The following ITCH variants were observed in gnomAD, a reference collection of about 807,000 sequenced individuals.
The protein encoded by ITCH is E3 ubiquitin-protein ligase Itchy homolog.
Under a neutral mutation model 126.8 loss-of-function variants are expected in ITCH, and 28 were observed. The ratio of observed to expected loss-of-function variants is 0.22; its 90% CI spans 0.16 to 0.30. ITCH has a LOEUF of 0.30. Ranked by LOEUF, ITCH falls within the 10% of genes least tolerant of loss-of-function variation. The pLI is 1.00. For synonymous variants in ITCH, 342 were observed against 340.0 expected (o/e 1.01, Z -0.06); for missense variants, 631 against 1,032.4 (o/e 0.61, Z 5.33).
chr20:34,387,076 G>T (rs1316614075), intron 2 of ITCH, among the ~76,000 whole-genome samples: 1 of 152,022 alleles, frequency 6.6e-6, no homozygotes, highest in Non-Finnish European at 1.5e-5. Context: ...GCCGAGGCGG[G>T]CAGATCACCT....
At chr20:34,382,784 C>T (rs542510809) in intron 2 of ITCH, among the ~76,000 whole-genome samples, 4 of 150,384 alleles carry the variant, frequency 2.7e-5, no homozygotes, top group African/African-American at 9.8e-5. Flanking sequence ...TGCCTTGTAG[C>T]TCAGGCTGGA....
At chr20:34,382,907 C>G (rs1488715944) in intron 2 of ITCH, among the ~76,000 whole-genome samples, 1 of 150,906 alleles carries the variant, frequency 6.6e-6, no homozygotes, top group Non-Finnish European at 1.5e-5. Context: ...CCACGCCTGG[C>G]TAATTTTTGT....
chr20:34,468,759 C>G (rs527682851), intron 14 of ITCH, among the ~76,000 whole-genome samples: 6 of 150,956 alleles, frequency 4.0e-5, no homozygotes, highest in Non-Finnish European at 8.8e-5. Flanking sequence ...CCACTGCACT[C>G]CAGCCTGGGA....
intron 2 of ITCH, among the ~76,000 whole-genome samples, chr20:34,391,818 T>C (rs2038499680): frequency 6.6e-6 from 1 of 152,210 alleles, no homozygotes; most frequent in Admixed American, 6.5e-5. Flanking sequence ...ATTAATCTTT[T>C]CTACATGAAG....
Position 34,393,776 on chromosome 20 carries a change from C to T in ITCH, c.-21-15C>T, listed in dbSNP as rs2146075667. 6.7e-7 allele frequency: 1 copy of T among 1,490,432 alleles called. No homozygotes were observed. Among genetic ancestry groups the T allele is most frequent in the Non-Finnish European group, 9.4e-7 (1 of 1,067,190 alleles). 92.3% of individuals were successfully genotyped at this position (1,490,432 alleles called of 1,614,324 possible). On this transcript the variant is annotated splice_polypyrimidine_tract_variant and intron_variant, in intron 2 of 24. Transcript: ENST00000374864. ...GAATTTTTGATGTTTACAGTGTCTC[C>T]TTTGCCATGTTCAGGTTTTCCAACC...
chr20:34,457,356 G>C, intron 12 of ITCH, 34 bp from the exon 13 acceptor site: 1 of 1,424,702 alleles, frequency 7.0e-7, no homozygotes, highest in South Asian at 1.2e-5. Flanking sequence ...CAATGCTAAT[G>C]CTTTGCTTTC....
chr20:34,445,139 C>T, intron 10 of ITCH, 148 bp from the exon 11 acceptor site: 1 of 900,482 alleles, frequency 1.1e-6, no homozygotes, highest in Non-Finnish European at 1.6e-6. Flanking sequence ...TTTTTAGAAA[C>T]ATTTCTCTTA....
At chr20:34,442,718 A>G (rs923835450) in intron 10 of ITCH, among the ~76,000 whole-genome samples, 3 of 151,276 alleles carry the variant, frequency 2.0e-5, no homozygotes, top group Non-Finnish European at 4.4e-5. Context: ...TCACGCCTGT[A>G]ATCCCAGCAC....
intron 2 of ITCH, among the ~76,000 whole-genome samples, chr20:34,381,379 A>G (rs1264612359): frequency 6.6e-6 from 1 of 150,760 alleles, no homozygotes; most frequent in Non-Finnish European, 1.5e-5. Flanking sequence ...ACCTCCCAGG[A>G]TCAAGTGATT....
At chr20:34,403,917 G>T (rs2038967962) in intron 3 of ITCH, among the ~76,000 whole-genome samples, 2 of 152,162 alleles carry the variant, frequency 1.3e-5, no homozygotes, top group South Asian at 4.1e-4. Flanking sequence ...TAGAACTTTG[G>T]TAAGATTTGT....
chr20:34,385,341 G>T (rs1479308700), intron 2 of ITCH, among the ~76,000 whole-genome samples: 8 of 150,840 alleles, frequency 5.3e-5, no homozygotes, highest in Admixed American at 3.3e-4. Flanking sequence ...GGGATTACAG[G>T]CATGAAGCAT....
At chr20:34,500,569 A>G (rs189811286) in intron 23 of ITCH, among the ~76,000 whole-genome samples, 2,938 of 152,152 alleles carry the variant, frequency 0.019, 49 homozygotes, top group South Asian at 0.061. Context: ...GGGTAAAGCA[A>G]GTTTCTTGGA....
chr20:34,408,519 T>C (rs1978478688), intron 3 of ITCH, 132 bp from the exon 4 acceptor site: 3 of 788,080 alleles, frequency 3.8e-6, no homozygotes, highest in Non-Finnish European at 6.4e-6. Flanking sequence ...GTGAATAAAA[T>C]TGGTAAGTAT....
At chr20:34,398,013 G>C (rs1251833352) in intron 3 of ITCH, among the ~76,000 whole-genome samples, 1 of 139,292 alleles carries the variant, frequency 7.2e-6, no homozygotes, top group South Asian at 2.2e-4. Context: ...TTTTTTTACT[G>C]TGATGATAAA....
Position 34,509,322 on chromosome 20 carries a change from A to G in ITCH, c.*1528A>G, listed in dbSNP as rs1978510389. ...ATAGCTGAACCCTGAGGACAGCCTC[A>G]TAGCTCATGTATCAGGGACTTTTGC... On this transcript the variant is annotated 3_prime_UTR_variant, in exon 25 of 25. Transcript: ENST00000374864. 6.6e-6 allele frequency: 1 copy of G among 152,328 alleles called. No individual in the cohort carries two copies. The highest frequency in any genetic ancestry group is 2.4e-5 in the African/African-American group (1 of 41,460). 9.4% of individuals were successfully genotyped at this position (152,328 alleles called of 1,614,324 possible).
In ITCH at chr20:34,402,640, T is replaced by A. The variant is rs138137534; in HGVS notation, c.71-6011T>A. On this transcript the variant is annotated intron_variant, in intron 3 of 24. Transcript: ENST00000374864. ...TGGTACATATTCTGATGGAAATTTG[T>A]TGTGTTGTTTTACCAACAGCACCAT... 3.9e-3 allele frequency: 2,266 copies of A among 583,618 alleles called. 11 individuals carry two copies. Among genetic ancestry groups the A allele is most frequent in the Non-Finnish European group, 4.3e-3 (1,336 of 308,764 alleles). The allele number at this position is 583,618 out of a possible 1,614,324, so 36.2% of individuals were successfully genotyped here.
intron 3 of ITCH, among the ~76,000 whole-genome samples, chr20:34,397,032 T>C (rs530912136): frequency 6.6e-6 from 1 of 152,004 alleles, no homozygotes; most frequent in Non-Finnish European, 1.5e-5. Flanking sequence ...TTGTTTTTTT[T>C]TGTTTGTTTT....
At chr20:34,397,047 AGACAGAGTCTCTGTCGCCCAGGCTG>A (rs2038702958) in intron 3 of ITCH, among the ~76,000 whole-genome samples, 1 of 150,862 alleles carries the variant, frequency 6.6e-6, no homozygotes, top group Non-Finnish European at 1.5e-5. Context: ...TGTTTTTTTG[AGACAGAGTCTCTGTCGCCCAGGCTG>A]GAGTGCAGTG....
At chr20:34,439,476 T>C (rs757332954) in intron 8 of ITCH, among the ~76,000 whole-genome samples, 2 of 152,196 alleles carry the variant, frequency 1.3e-5, no homozygotes, top group Non-Finnish European at 2.9e-5. Flanking sequence ...AGTTTTGCCA[T>C]GTTGCGCAGG....
Sources: allele counts gnomAD v4.1 joint callset (sites outside exome capture counted in the v4.1 genomes callset), GRCh38; gene constraint gnomAD v4.1.1; transcripts MANE v1.5; gene names NCBI Gene and HGNC (gene_info 2026-07-23, HGNC 2026-07-21).